The following PIEZO1 variants were observed in gnomAD, a reference collection of about 807,000 sequenced individuals.
PIEZO1 encodes piezo type mechanosensitive ion channel component 1 (Er blood group).
A neutral mutation model predicts 297.2 loss-of-function variants in PIEZO1; 296 were observed. The ratio of observed to expected loss-of-function variants is 1.00; its 90% CI spans 0.91 to 1.10. The LOEUF is 1.10. Among genes scored for constraint, PIEZO1 ranks in the 50% least tolerant of loss-of-function variants. PIEZO1 has a pLI of 0.00. For missense variants in PIEZO1, 5,018 were observed against 3,455.5 expected, an observed-to-expected ratio of 1.45 and a Z score of -11.34; for synonymous variants, 2,427 against 1,507.5, an observed-to-expected ratio of 1.61 and a Z score of -14.13.
In PIEZO1 at chr16:88,721,211, T is replaced by G; in HGVS notation, c.5623A>C (p.Arg1875=). ...CGTGCTGGGCCCTCCTTCTTCCTTC[T>G]TCTAAAACGTAGACTGATGCGCCTC... is the stretch of plus-strand genomic sequence containing the variant. ...DTRRISLRFR[R]RKKEGPARKG... Residue 1875 remains arginine, a synonymous_variant, in exon 39 of 51, where the codon AGA becomes CGA. Coordinates refer to ENST00000301015, the MANE Select transcript of PIEZO1 (RefSeq NM_001142864.4). 1 of 1,529,872 alleles carries G rather than the reference T, an allele frequency of 6.5e-7. No homozygotes were observed. The highest frequency in any genetic ancestry group is 8.8e-7 in the Non-Finnish European group (1 of 1,139,830). 94.8% of individuals were successfully genotyped at this position (1,529,872 alleles called of 1,614,324 possible).
At chr16:88,784,193 C>A (rs1371632617) in intron 1 of PIEZO1, among the ~76,000 whole-genome samples, 1 of 152,248 alleles carries the variant, frequency 6.6e-6, no homozygotes, top group Non-Finnish European at 1.5e-5. Flanking sequence ...CCCTGCCCCG[C>A]CCTGACACCA....
intron 5 of PIEZO1, chr16:88,740,430 TCAGCATGGAGG>T (rs1905564920): frequency 6.6e-6 from 1 of 152,202 alleles, no homozygotes; most frequent in Non-Finnish European, 1.5e-5. Flanking sequence ...CATGCCCCCA[TCAGCATGGAGG>T]GGCTGACGAG....
In PIEZO1 at chr16:88,722,845, GCTC is replaced by G; in HGVS notation, c.4657_4659del (p.Glu1553del). The G allele has an allele frequency of 1.3e-6, 2 of 1,546,198 alleles. No individual in the cohort carries two copies. Among genetic ancestry groups the G allele is most frequent in the East Asian group, 2.4e-5 (1 of 40,906 alleles). On this transcript the variant is annotated inframe_deletion, in exon 34 of 51. Transcript: ENST00000301015. ...TGCACGGGCAGGCTCACCTGCAGGAGCTCCTGTGTGAGGAGGTAGCGCTCTGCC... is the reference window on the plus strand; with the variant it reads ...TGCACGGGCAGGCTCACCTGCAGGAGCTGTGTGAGGAGGTAGCGCTCTGCC...
At chr16:88,725,128 G>A (rs966704251) in intron 29 of PIEZO1, 48 bp from the exon 30 acceptor site, 23 of 1,358,852 alleles carry the variant, frequency 1.7e-5, no homozygotes, top group Non-Finnish European at 2.3e-5. Context: ...GCCACCAGGA[G>A]GGGTCGGGGC....
At position 88,741,553 on chromosome 16, in the gene PIEZO1, C is replaced by A. The variant is rs1313600354; in HGVS notation, c.390G>T (p.Val130=). 5 of 1,535,640 alleles carry A rather than the reference C, an allele frequency of 3.3e-6. No individual in the cohort carries two copies. Among genetic ancestry groups the A allele is most frequent in the Non-Finnish European group, 4.4e-6 (5 of 1,146,780 alleles). ...RLVAPDLGIL[V]VSSVCLGICG... ...AGATGCCGAGGCAGACAGAGGAGAC[C>A]ACCAAGATGCCCAGGTCAGGGGCCA... The change falls in exon 5 of 51, where the codon GTG becomes GTT. Residue 130 remains valine, a synonymous_variant. Coordinates refer to ENST00000301015, the MANE Select transcript of PIEZO1 (RefSeq NM_001142864.4).
At position 88,735,684 on chromosome 16, in the gene PIEZO1, G is replaced by A. The variant is rs142963186; in HGVS notation, c.1558-438C>T. Among the ~76,000 whole-genome samples, 13 of 152,398 alleles carry A rather than the reference G, an allele frequency of 8.5e-5. No individual in the cohort carries two copies. In the East Asian group the frequency reaches 2.5e-3, roughly 29 times the overall value. ...GGCCTGCAAACAGGTGTCCAGACAC[G>A]ATGCTGGCACCCGTTTCACATGGAC... On this transcript the variant is annotated intron_variant, in intron 12 of 50. Coordinates refer to ENST00000301015, the MANE Select transcript of PIEZO1 (RefSeq NM_001142864.4).
Position 88,715,918 on chromosome 16 carries a change from CAGCCACTCACTCACCCGT to C in PIEZO1, c.7313_7316+14del, listed in dbSNP as rs1911984989. ...CCCCCCGAGCTGCGGGGTGCCCCCCCAGCCACTCACTCACCCGTAGCCAGCCAGGAAGCCGAGGCTCGG... is the reference window on the plus strand; with the variant it reads ...CCCCCCGAGCTGCGGGGTGCCCCCCCAGCCAGCCAGGAAGCCGAGGCTCGG... On this transcript the variant is annotated splice_donor_variant and splice_donor_5th_base_variant and coding_sequence_variant and intron_variant, in exon 50 of 51. Transcript: ENST00000301015. LOFTEE classifies it high-confidence loss of function. The C allele has an allele frequency of 6.5e-7, 1 of 1,542,180 alleles. No individual in the cohort carries two copies. Among genetic ancestry groups the C allele is most frequent in the Non-Finnish European group, 8.8e-7 (1 of 1,141,362 alleles).
At chr16:88,782,443 C>T (rs921560425) in intron 1 of PIEZO1, among the ~76,000 whole-genome samples, 1 of 152,170 alleles carries the variant, frequency 6.6e-6, no homozygotes, top group African/African-American at 2.4e-5. Flanking sequence ...AGAGATGGGC[C>T]CTGATCCCCC....
chr16:88,736,982 C>T (rs1248021440), intron 10 of PIEZO1: 5 of 416,152 alleles, frequency 1.2e-5, no homozygotes, highest in Middle Eastern at 6.3e-4. Context: ...GGAAAGGTGG[C>T]CCTGACCCCC....
In PIEZO1 at chr16:88,727,595, G is replaced by A; in HGVS notation, c.3263C>T (p.Pro1088Leu). The A allele has an allele frequency of 6.5e-7, 1 of 1,536,254 alleles. No homozygotes were observed. Among genetic ancestry groups the A allele is most frequent in the Non-Finnish European group, 8.8e-7 (1 of 1,137,760 alleles). Reference sequence around the variant, plus strand: ...GGAGTTGGGGGCCCGGAAGAAATCAGGCAGGTACAGCCACTTGATGAGTGC... The same window carrying A: ...GGAGTTGGGGGCCCGGAAGAAATCAAGCAGGTACAGCCACTTGATGAGTGC... ...NSALIKWLYL[P>L]DFFRAPNSTN... Residue 1088 changes from proline to leucine, a missense_variant, in exon 23 of 51, where the codon CCT becomes CTT. Transcript: ENST00000301015.
chr16:88,761,345 G>A (rs1205511064), intron 1 of PIEZO1, among the ~76,000 whole-genome samples: 1 of 152,228 alleles, frequency 6.6e-6, no homozygotes, highest in Non-Finnish European at 1.5e-5. Flanking sequence ...TGGAACAGTG[G>A]CACCTGCACA....
intron 2 of PIEZO1, 69 bp downstream of exon 2, chr16:88,749,315 A>C: frequency 3.9e-6 from 4 of 1,025,994 alleles, no homozygotes; most frequent in Non-Finnish European, 5.4e-6. Flanking sequence ...AAGCTGTACG[A>C]ATTTTGGCCC....
At chr16:88,745,951 G>A (rs925878763) in intron 2 of PIEZO1, among the ~76,000 whole-genome samples, 2 of 152,190 alleles carry the variant, frequency 1.3e-5, no homozygotes, top group African/African-American at 4.8e-5. Flanking sequence ...ATCCTGATGC[G>A]TGGTCCATAG....
chr16:88,748,669 A>G (rs1244047606), intron 2 of PIEZO1, among the ~76,000 whole-genome samples: 1 of 152,164 alleles, frequency 6.6e-6, no homozygotes, highest in Non-Finnish European at 1.5e-5. Flanking sequence ...TGGCCTCCCA[A>G]GGGACACAGA....
intron 1 of PIEZO1, among the ~76,000 whole-genome samples, chr16:88,765,276 A>T (rs1907122302): frequency 6.6e-6 from 1 of 152,148 alleles, no homozygotes; most frequent in Admixed American, 6.5e-5. Context: ...CAGCCTGGAG[A>T]GGGGGTGTCA....
intron 10 of PIEZO1, chr16:88,737,033 C>G: frequency 3.0e-6 from 1 of 328,950 alleles, no homozygotes; most frequent in Non-Finnish European, 5.6e-6. Flanking sequence ...GGACCCCCAC[C>G]CCAGGGCCGT....
At chr16:88,748,280 C>A (rs1371554310) in intron 2 of PIEZO1, among the ~76,000 whole-genome samples, 1 of 8,734 alleles carries the variant, frequency 1.1e-4, no homozygotes, top group African/African-American at 4.4e-4. Context: ...CCAAAACGCG[C>A]TCTCCTAAAA....
chr16:88,723,624 C>T (rs1567663753), intron 31 of PIEZO1, among the ~76,000 whole-genome samples: 1 of 152,256 alleles, frequency 6.6e-6, no homozygotes, highest in Non-Finnish European at 1.5e-5. Context: ...GGTCAGGCCA[C>T]GGGCAGCCAC....
Position 88,723,271 on chromosome 16 carries a change from C to CCTGCTT in PIEZO1, c.4392_4393insAAGCAG (p.Gln1464_Glu1465insLysGln). 6.5e-7 allele frequency: 1 copy of CCTGCTT among 1,543,164 alleles called. No homozygotes were observed. Among genetic ancestry groups the CCTGCTT allele is most frequent in the Non-Finnish European group, 8.7e-7 (1 of 1,146,778 alleles). ...TGTTCCTGCCTTGCCTGCTCCTGCT[C>CCTGCTT]CTGCTGCCGCCGCCTCAGCACCGCC... On this transcript the variant is annotated inframe_insertion, in exon 32 of 51. Coordinates refer to ENST00000301015, the MANE Select transcript of PIEZO1 (RefSeq NM_001142864.4).
Sources: allele counts gnomAD v4.1 joint callset (sites outside exome capture counted in the v4.1 genomes callset), GRCh38; gene constraint gnomAD v4.1.1; transcripts MANE v1.5; gene names NCBI Gene and HGNC (gene_info 2026-07-23, HGNC 2026-07-21).